ST6GALNAC5: variants seen among roughly 807,000 people sequenced by gnomAD.
The protein encoded by ST6GALNAC5 is alpha-N-acetylgalactosaminide alpha-2,6-sialyltransferase 5.
A neutral mutation model predicts 33.6 loss-of-function variants in ST6GALNAC5; 27 were observed. The ratio of observed to expected loss-of-function variants is 0.80; its 90% confidence interval spans 0.59 to 1.11. The LOEUF is 1.11. Ranked by LOEUF, ST6GALNAC5 falls within the 50% of genes least tolerant of loss-of-function variation. The probability of loss-of-function intolerance (pLI) is 0.00; values close to 1 mark genes in which losing one functional copy is unlikely to be tolerated. For synonymous variants in ST6GALNAC5, 194 were observed against 171.2 expected (o/e 1.13, Z -1.04); for missense variants, 428 against 454.0 (o/e 0.94, Z 0.52).
At chr1:77,002,533 C>G (rs1650215491) in intron 2 of ST6GALNAC5, among the ~76,000 whole-genome samples, 1 of 150,214 alleles carries the variant, frequency 6.7e-6, no homozygotes, top group Non-Finnish European at 1.5e-5. Flanking sequence ...CTTCTGCTAG[C>G]TTTTGAATGT....
chr1:76,907,261 G>T (rs1172016128), intron 2 of ST6GALNAC5, among the ~76,000 whole-genome samples: 1 of 151,950 alleles, frequency 6.6e-6, no homozygotes, highest in Non-Finnish European at 1.5e-5. Context: ...CCTCAACATG[G>T]TGTGTAAGAT....
chr1:76,987,422 C>CA (rs1450200491), intron 2 of ST6GALNAC5, among the ~76,000 whole-genome samples: 1 of 151,970 alleles, frequency 6.6e-6, no homozygotes, highest in Admixed American at 6.6e-5. Flanking sequence ...TGGCTATATT[C>CA]AAAAAGACAA....
At chr1:77,044,939 AC>A (rs896247296) in intron 3 of ST6GALNAC5, among the ~76,000 whole-genome samples, 17 of 151,968 alleles carry the variant, frequency 1.1e-4, no homozygotes, top group African/African-American at 3.9e-4. Context: ...ATAAACCCTC[AC>A]CAAAAAAAAA....
intron 2 of ST6GALNAC5, among the ~76,000 whole-genome samples, chr1:76,915,885 A>C (rs1014961763): frequency 1.1e-4 from 15 of 130,438 alleles, no homozygotes; most frequent in Non-Finnish European, 1.8e-4. Context: ...CAAAAAAAAA[A>C]CAAAAAAACA....
chr1:76,978,288 T>C (rs963416004), intron 2 of ST6GALNAC5, among the ~76,000 whole-genome samples: 5 of 152,186 alleles, frequency 3.3e-5, no homozygotes, highest in African/African-American at 9.7e-5. Flanking sequence ...TTCACTCTGA[T>C]TTTTTTCCTG....
chr1:77,009,647 C>T (rs1650558981), intron 2 of ST6GALNAC5, among the ~76,000 whole-genome samples: 1 of 152,096 alleles, frequency 6.6e-6, no homozygotes, highest in Non-Finnish European at 1.5e-5. Flanking sequence ...AGCTGATCTG[C>T]CTTCTTGGAT....
intron 2 of ST6GALNAC5, among the ~76,000 whole-genome samples, chr1:77,033,338 A>C (rs1463709886): frequency 6.6e-6 from 1 of 152,126 alleles, no homozygotes; most frequent in South Asian, 2.1e-4. Context: ...GCCTCATGGC[A>C]CTCCTGTTTT....
At chr1:77,051,232 A>G (rs955190717) in intron 4 of ST6GALNAC5, among the ~76,000 whole-genome samples, 1 of 152,220 alleles carries the variant, frequency 6.6e-6, no homozygotes, top group Non-Finnish European at 1.5e-5. Flanking sequence ...CAAAAGCTGC[A>G]ATTTGGAGGT....
At chr1:76,921,800 C>T (rs574976672) in intron 2 of ST6GALNAC5, among the ~76,000 whole-genome samples, 1 of 152,174 alleles carries the variant, frequency 6.6e-6, no homozygotes, top group South Asian at 2.1e-4. Flanking sequence ...TTGACAGTAT[C>T]CAGCACCCAT....
intron 2 of ST6GALNAC5, among the ~76,000 whole-genome samples, chr1:76,947,156 G>T (rs970389051): frequency 1.3e-5 from 2 of 151,924 alleles, no homozygotes; most frequent in African/African-American, 4.8e-5. Context: ...ACCAACCAAA[G>T]TTTAGGGTGA....
At chr1:76,996,001 C>T (rs1341807326) in intron 2 of ST6GALNAC5, among the ~76,000 whole-genome samples, 1 of 152,192 alleles carries the variant, frequency 6.6e-6, no homozygotes, top group Non-Finnish European at 1.5e-5. Flanking sequence ...GTGGCTCAAT[C>T]ATGTTGCAGT....
chr1:77,032,022 T>C (rs1480111956), intron 2 of ST6GALNAC5, among the ~76,000 whole-genome samples: 1 of 152,178 alleles, frequency 6.6e-6, no homozygotes, highest in African/African-American at 2.4e-5. Context: ...CCAAAAATCA[T>C]AGACAGCGAA....
At chr1:77,000,457 T>C (rs1333650760) in intron 2 of ST6GALNAC5, among the ~76,000 whole-genome samples, 5 of 125,656 alleles carry the variant, frequency 4.0e-5, no homozygotes, top group African/African-American at 1.1e-4. Context: ...TTCACTCTGA[T>C]GGTAGTTTCT....
chr1:76,943,513 G>T (rs923026480), intron 2 of ST6GALNAC5, among the ~76,000 whole-genome samples: 2 of 152,036 alleles, frequency 1.3e-5, no homozygotes, highest in Non-Finnish European at 2.9e-5. Flanking sequence ...AAGTGTGGGG[G>T]TATTGCATTG....
chr1:76,961,697 T>G (rs987888387), intron 2 of ST6GALNAC5, among the ~76,000 whole-genome samples: 4 of 152,194 alleles, frequency 2.6e-5, no homozygotes, highest in African/African-American at 9.6e-5. Flanking sequence ...CCTTAGTTAA[T>G]GCTTGGATAT....
In ST6GALNAC5 at chr1:77,067,301, C is replaced by G. The variant is rs1021115770; in HGVS notation, c.*4095C>G. Among the ~76,000 whole-genome samples the G allele has an allele frequency of 6.6e-6, 1 of 152,218 alleles. No individual in the cohort carries two copies. Among genetic ancestry groups the G allele is most frequent in the Admixed American group, 6.5e-5 (1 of 15,286 alleles). On this transcript the variant is annotated 3_prime_UTR_variant, in exon 5 of 5. Coordinates refer to ENST00000477717, the MANE Select transcript of ST6GALNAC5 (RefSeq NM_030965.3). ...TTGTAGCTCACTCATCCCACCTTCT[C>G]AGGGTGTTGAAATGCAAATGCAAAA...
chr1:76,895,170 G>A (rs1028486593), intron 2 of ST6GALNAC5, among the ~76,000 whole-genome samples: 5 of 152,182 alleles, frequency 3.3e-5, no homozygotes, highest in Non-Finnish European at 5.9e-5. Context: ...GGATGTGTAC[G>A]TGCAGGTCAC....
intron 2 of ST6GALNAC5, among the ~76,000 whole-genome samples, chr1:76,886,072 C>G (rs1048493859): frequency 6.6e-6 from 1 of 152,110 alleles, no homozygotes; most frequent in Non-Finnish European, 1.5e-5. Flanking sequence ...CTCCGTGATG[C>G]AATTTCCTGT....
intron 2 of ST6GALNAC5, among the ~76,000 whole-genome samples, chr1:77,013,794 T>C (rs1160565706): frequency 2.6e-5 from 4 of 152,238 alleles, no homozygotes; most frequent in African/African-American, 4.8e-5. Flanking sequence ...CTTTCTGGGA[T>C]GCCATTAAGA....
Sources: gnomAD v4.1 joint callset for allele counts (sites outside exome capture counted in the v4.1 genomes callset) on GRCh38, gnomAD v4.1.1 for gene constraint, MANE v1.5 for transcripts, NCBI Gene and HGNC (gene_info 2026-07-23, HGNC 2026-07-21) for gene names.